Variants in H6PD observed in about 807,000 individuals in gnomAD.
The protein encoded by H6PD is GDH/6PGL endoplasmic bifunctional protein.
A neutral mutation model predicts 61.2 loss-of-function variants in H6PD; 48 were observed. The observed-to-expected ratio is 0.78, with a 90% CI of 0.62 to 1.00. The LOEUF is 1.00. Ranked by LOEUF, H6PD falls within the 50% of genes least tolerant of loss-of-function variation. The pLI, the probability that H6PD is intolerant of heterozygous loss-of-function variation, is 0.00. For missense variants in H6PD, 1,093 were observed against 1,065.0 expected, an observed-to-expected ratio of 1.03 and a Z score of -0.37; for synonymous variants, 480 against 457.9, an observed-to-expected ratio of 1.05 and a Z score of -0.62.
At chr1:9,255,521 A>T (rs578256010) in intron 3 of H6PD, among the ~76,000 whole-genome samples, 47 of 152,206 alleles carry the variant, frequency 3.1e-4, no homozygotes, top group African/African-American at 1.1e-3. Context: ...GACTCAGGAG[A>T]TCTGCCCACC....
rs1638741102 is a variant in H6PD, at chr1:9,271,326, G to A, written c.*6457G>A. 1 of 152,150 alleles carries A rather than the reference G, an allele frequency of 6.6e-6. No individual in the cohort carries two copies. The highest frequency in any genetic ancestry group is 1.5e-5 in the Non-Finnish European group (1 of 68,030). The allele number at this position is 152,150 out of a possible 1,614,324, so 9.4% of individuals were successfully genotyped here. On this transcript the variant is annotated 3_prime_UTR_variant, in exon 5 of 5. Transcript: ENST00000377403. Reference sequence around the variant, plus strand: ...GTTTATTTTTTTAAACAATAAAATTGATTTGCCAAAATCCGGGCTTTAATT... The same window carrying A: ...GTTTATTTTTTTAAACAATAAAATTAATTTGCCAAAATCCGGGCTTTAATT...
chr1:9,263,665 G>A lies in H6PD; in HGVS notation c.1172G>A (p.Ser391Asn), dbSNP rs1415137645. ...QSEKHWAAAQ[S>N]QCLPRQLVFH... ...GAAAAGCACTGGGCCGCGGCGCAGA[G>A]CCAGTGCCTGCCCCGGCAGCTCGTC... The change falls in exon 5 of 5, where the codon AGC (serine) becomes AAC (asparagine). Residue 391 changes from serine to asparagine, a missense_variant. Coordinates refer to ENST00000377403, the MANE Select transcript of H6PD (RefSeq NM_004285.4). The A allele has an allele frequency of 6.2e-7, 1 of 1,613,980 alleles. No individual in the cohort carries two copies. The highest frequency in any genetic ancestry group is 8.5e-7 in the Non-Finnish European group (1 of 1,180,022).
In H6PD at chr1:9,264,147, G is replaced by C. The variant is rs1410129720; in HGVS notation, c.1654G>C (p.Glu552Gln). Reference protein sequence around the residue: ...DFQVLRAKYRESPLVSAWSEE... With the variant: ...DFQVLRAKYRQSPLVSAWSEE... ...CCAGGTCCTCAGGGCCAAGTACCGA[G>C]AGAGCCCGCTGGTCTCCGCCTGGTC... The change falls in exon 5 of 5, where the codon GAG becomes CAG. Residue 552 changes from glutamate to glutamine, a missense_variant. Physicochemically the swap from Glu to Gln is conservative, Grantham distance 29. Coordinates refer to ENST00000377403, the MANE Select transcript of H6PD (RefSeq NM_004285.4). 19 of 1,613,500 alleles carry C rather than the reference G, an allele frequency of 1.2e-5. No individual in the cohort carries two copies. The highest frequency in any genetic ancestry group is 1.6e-5 in the Non-Finnish European group (19 of 1,179,704).
rs35404275 is a variant in H6PD at position 9,263,943 on chromosome 1, A to G, written c.1450A>G (p.Asn484Asp). Residue 484 changes from asparagine to aspartate, a missense_variant, in exon 5 of 5, where the codon AAC (asparagine) becomes GAC (aspartate). Physicochemically the swap from Asn to Asp is conservative, Grantham distance 23. Coordinates refer to ENST00000377403, the MANE Select transcript of H6PD (RefSeq NM_004285.4). ...ITTENLLASW[N>D]FWTPLLESLA... ...CACAGAGAACTTGCTGGCCTCCTGG[A>G]ACTTCTGGACCCCTCTGCTGGAGAG... The G allele has an allele frequency of 1.5e-3, 2,416 of 1,614,150 alleles. 45 individuals are homozygous for G. The African/African-American group carries it at 0.029, about 19-fold the overall frequency.
chr1:9,245,502 C>G lies in H6PD; in HGVS notation c.568C>G (p.Leu190Val). 1 of 1,614,166 alleles carries G rather than the reference C, an allele frequency of 6.2e-7. No individual in the cohort carries two copies. The highest frequency in any genetic ancestry group is 8.5e-7 in the Non-Finnish European group (1 of 1,180,016). The stretch of plus-strand genomic sequence containing the variant: ...CTCAGCCCAGCAGCTGGCCACAGAA[C>G]TCGGGACCTTTTTCCAGGAGGAGGA... ...HFSAQQLATE[L>V]GTFFQEEEMY... The change falls in exon 2 of 5, where the codon CTC becomes GTC. Residue 190 changes from leucine to valine, a missense_variant. Physicochemically the swap from Leu to Val is conservative, Grantham distance 32. Transcript: ENST00000377403. The surrounding 1 kb of genome is among the most constrained non-coding windows in gnomAD (Gnocchi z 4.8).
rs771446696 is a variant in H6PD at position 9,271,268 on chromosome 1, T to G, written c.*6399T>G. 1.3e-5 allele frequency: 2 copies of G among 152,228 alleles called. No individual in the cohort carries two copies. Among genetic ancestry groups the G allele is most frequent in the Admixed American group, 6.5e-5 (1 of 15,292 alleles). The allele number at this position is 152,228 out of a possible 1,614,324, so 9.4% of individuals were successfully genotyped here. A position where few individuals can be genotyped will look rare whatever the true frequency, so the allele number is the denominator to read the frequency against. ...GCCTTTTTAAACCTTTTAAGAACAT[T>G]TTTAAAATGTCTTTTTCTATGTCAA... On this transcript the variant is annotated 3_prime_UTR_variant, in exon 5 of 5. Coordinates refer to ENST00000377403, the MANE Select transcript of H6PD (RefSeq NM_004285.4).
At chr1:9,248,974 TCAGAGAAGTGAGCTGCACCTGGTG>T (rs1360461236) in intron 3 of H6PD, among the ~76,000 whole-genome samples, 1 of 152,184 alleles carries the variant, frequency 6.6e-6, no homozygotes, top group African/African-American at 2.4e-5. Flanking sequence ...TGCTTCATCT[TCAGAGAAGTGAGCTGCACCTGGTG>T]CAGAGAGCCT....
chr1:9,260,726 GTGT>G (rs770979454), intron 3 of H6PD, among the ~76,000 whole-genome samples: 1 of 152,050 alleles, frequency 6.6e-6, no homozygotes. Context: ...TGTTAGGCTG[GTGT>G]TGTTATGTTG....
rs146707031 is a variant in H6PD, at chr1:9,240,258, G to A, written c.-10-4667G>A. Among the ~76,000 whole-genome samples the A allele has an allele frequency of 6.6e-5, 10 of 152,270 alleles. No homozygotes were observed. In the East Asian group the frequency reaches 1.9e-3, roughly 29 times the overall value. ...AAATGAAATTGCATCCTCCACACACGTAAGTCATAGCTTCAAGAGTTTTTG... is the reference window on the plus strand; with the variant it reads ...AAATGAAATTGCATCCTCCACACACATAAGTCATAGCTTCAAGAGTTTTTG... On this transcript the variant is annotated intron_variant, in intron 1 of 4. Coordinates refer to ENST00000377403, the MANE Select transcript of H6PD (RefSeq NM_004285.4).
intron 1 of H6PD, chr1:9,242,639 T>A: frequency 1.0e-6 from 1 of 985,464 alleles, no homozygotes; most frequent in Non-Finnish European, 1.2e-6. Context: ...TGCAGTCTTC[T>A]GGGGTGGGGG....
chr1:9,264,239 T>G lies in H6PD; in HGVS notation c.1746T>G (p.Phe582Leu). ...CCGCTGTGCGAGCCGTGCGGCGCTT[T>G]GGCCAGTTCCACCTGGCACTGTCGG... is the stretch of plus-strand genomic sequence containing the variant. ...EATAVRAVRR[F>L]GQFHLALSGG... Residue 582 changes from phenylalanine to leucine, a missense_variant, in exon 5 of 5, where the codon TTT becomes TTG. By Grantham distance (22) the Phe-to-Leu change is conservative (BLOSUM62 0). Transcript: ENST00000377403. 6.2e-7 allele frequency: 1 copy of G among 1,610,558 alleles called. No individual in the cohort carries two copies. Among genetic ancestry groups the G allele is most frequent in the Non-Finnish European group, 8.5e-7 (1 of 1,179,200 alleles).
intron 1 of H6PD, among the ~76,000 whole-genome samples, chr1:9,243,507 A>G (rs1404030476): frequency 6.6e-6 from 1 of 152,132 alleles, no homozygotes; most frequent in Non-Finnish European, 1.5e-5. Context: ...TCCCATGGGC[A>G]TGCCGGCCGT....
rs1421282528 is a variant in H6PD at position 9,264,678 on chromosome 1, A to C, written c.2185A>C (p.Met729Leu). Residue 729 changes from methionine to leucine, a missense_variant, in exon 5 of 5, where the codon ATG becomes CTG. Coordinates refer to ENST00000377403, the MANE Select transcript of H6PD (RefSeq NM_004285.4). ...GAGCCCCTCCCAGCCACACCGCCGC[A>C]TGAGCCTTAGCCTGCCTCTCATCAA... ...TTSPSQPHRRMSLSLPLINRA... is the reference protein window; with the variant it reads ...TTSPSQPHRRLSLSLPLINRA... The C allele has an allele frequency of 1.2e-6, 2 of 1,613,248 alleles. No individual in the cohort carries two copies. The highest frequency in any genetic ancestry group is 3.3e-5 in the Admixed American group (2 of 60,026).
chr1:9,251,436 C>CTGT (rs58988268), intron 3 of H6PD, among the ~76,000 whole-genome samples: 6,678 of 151,170 alleles, frequency 0.044, 153 homozygotes, highest in East Asian at 0.061. Context: ...AGAAGGCCTG[C>CTGT]TGTTGTTGTT....
At chr1:9,263,479 G>GA (rs766394409) in intron 4 of H6PD, 30 bp from the exon 5 acceptor site, 14 of 1,610,926 alleles carry the variant, frequency 8.7e-6, no homozygotes, top group South Asian at 1.1e-5. Context: ...CTGTGCCAGA[G>GA]AGTCACCCTC....
At chr1:9,239,677 T>C (rs911800020) in intron 1 of H6PD, among the ~76,000 whole-genome samples, 3 of 152,226 alleles carry the variant, frequency 2.0e-5, no homozygotes, top group Non-Finnish European at 4.4e-5. Flanking sequence ...TCATGGGTCA[T>C]GATTTGAAGA....
chr1:9,259,168 T>G lies in H6PD; in HGVS notation c.746-2891T>G, dbSNP rs138405370. Among the ~76,000 whole-genome samples the G allele has an allele frequency of 1.2e-4, 18 of 152,258 alleles. No homozygotes were observed. In the East Asian group the frequency reaches 3.5e-3, roughly 29 times the overall value. On this transcript the variant is annotated intron_variant, in intron 3 of 4. Transcript: ENST00000377403. ...CACCACGCCCAGCTAATTTTTTGTA[T>G]TTTTTAGTAGAGACGGGGTTTCACC...
At chr1:9,239,896 C>G (rs1570076690) in intron 1 of H6PD, 1 of 779,492 alleles carries the variant, frequency 1.3e-6, no homozygotes, top group Non-Finnish European at 1.7e-6. Context: ...TCTGCTGTGC[C>G]GGGTCTGTAT....
At chr1:9,250,596 T>C (rs9435155) in intron 3 of H6PD, among the ~76,000 whole-genome samples, 72,380 of 151,582 alleles carry the variant, frequency 0.48, 18,561 homozygotes, top group African/African-American at 0.68. Context: ...CCAAGGGTTC[T>C]GGTGGATCCC....
Sources: allele counts gnomAD v4.1 joint callset (sites outside exome capture counted in the v4.1 genomes callset), GRCh38; gene constraint gnomAD v4.1.1; non-coding constraint Gnocchi (gnomAD v3.1); transcripts MANE v1.5; gene names NCBI Gene and HGNC (gene_info 2026-07-23, HGNC 2026-07-21).